Variants in CNTN3 observed in about 807,000 individuals in gnomAD.
The protein encoded by CNTN3 is contactin 3.
In CNTN3, 60 loss-of-function variants were observed where a neutral mutation model predicts 119.1. The ratio of observed to expected loss-of-function variants is 0.50; its 90% CI spans 0.41 to 0.62. CNTN3 has a LOEUF of 0.62. Among genes scored for constraint, CNTN3 ranks in the 20% least tolerant of loss-of-function variants. The probability of loss-of-function intolerance (pLI) is 0.00; values close to 1 mark genes in which losing one functional copy is unlikely to be tolerated. For missense variants in CNTN3, 1,101 were observed against 1,242.4 expected, an observed-to-expected ratio of 0.89 and a Z score of 1.71; for synonymous variants, 450 against 438.7, an observed-to-expected ratio of 1.03 and a Z score of -0.32.
intron 5 of CNTN3, among the ~76,000 whole-genome samples, chr3:74,409,828 T>C (rs879628681): frequency 6.6e-6 from 1 of 152,176 alleles, no homozygotes; most frequent in Non-Finnish European, 1.5e-5. Context: ...TTTTCACTCA[T>C]TTTACTTCCC....
chr3:74,495,387 T>C (rs960192783), intron 3 of CNTN3, among the ~76,000 whole-genome samples: 4 of 152,034 alleles, frequency 2.6e-5, no homozygotes, highest in African/African-American at 4.8e-5. Context: ...TATATTATGA[T>C]AGACTAGCAT....
At chr3:74,432,119 T>G (rs1701793591) in intron 4 of CNTN3, among the ~76,000 whole-genome samples, 1 of 152,190 alleles carries the variant, frequency 6.6e-6, no homozygotes, top group Non-Finnish European at 1.5e-5. Context: ...CATCATTACA[T>G]GAACAGTGTA....
intron 1 of CNTN3, among the ~76,000 whole-genome samples, chr3:74,528,184 T>C (rs1467298649): frequency 6.6e-6 from 1 of 151,820 alleles, no homozygotes; most frequent in Admixed American, 6.6e-5. Context: ...AGATTTTCCT[T>C]CCCTTTGATT....
chr3:74,381,991 C>T (rs1287587165), intron 5 of CNTN3, among the ~76,000 whole-genome samples: 1 of 152,076 alleles, frequency 6.6e-6, no homozygotes, highest in Non-Finnish European at 1.5e-5. Context: ...GGTGGATCAC[C>T]TGTGGTCGGG....
chr3:74,552,332 G>A (rs909917995), intron 1 of CNTN3, among the ~76,000 whole-genome samples: 7 of 152,156 alleles, frequency 4.6e-5, no homozygotes, highest in African/African-American at 1.7e-4. Context: ...GCAACTGCTG[G>A]ATCTTTCGGA....
intron 17 of CNTN3, 96 bp from the exon 18 acceptor site, chr3:74,298,287 T>C: frequency 1.4e-6 from 1 of 706,402 alleles, no homozygotes; most frequent in Non-Finnish European, 2.3e-6. Flanking sequence ...GTAAAAGTCA[T>C]CAAATAATCA....
rs1311831022 is a variant in CNTN3, at chr3:74,424,872, G to A, written c.427C>T (p.Leu143Phe). The change falls in exon 5 of 23, where the codon CTC becomes TTC. Residue 143 changes from leucine to phenylalanine, a missense_variant. Leu to Phe is a conservative substitution (Grantham distance 22, BLOSUM62 0). Transcript: ENST00000263665. ...CCAGAGTGTGGTGGGGGGCCGCAGA[G>A]CAGCACAACTCCCTGGCCTTCACGC... Reference protein sequence around the residue: ...SVREGQGVVLLCGPPPHSGEL... With the variant: ...SVREGQGVVLFCGPPPHSGEL... 6.2e-7 allele frequency: 1 copy of A among 1,613,634 alleles called. No individual in the cohort carries two copies. Among genetic ancestry groups the A allele is most frequent in the Admixed American group, 1.7e-5 (1 of 59,996 alleles).
intron 1 of CNTN3, among the ~76,000 whole-genome samples, chr3:74,612,295 A>G (rs1007995596): frequency 6.6e-6 from 1 of 152,222 alleles, no homozygotes; most frequent in African/African-American, 2.4e-5. Context: ...AATTGAACAT[A>G]AATCAGCAAA....
At chr3:74,585,096 T>C (rs1704572793) in intron 1 of CNTN3, among the ~76,000 whole-genome samples, 1 of 152,138 alleles carries the variant, frequency 6.6e-6, no homozygotes, top group Non-Finnish European at 1.5e-5. Flanking sequence ...TAATTCTTTT[T>C]GAAAGAAGGT....
intron 1 of CNTN3, among the ~76,000 whole-genome samples, chr3:74,548,731 C>A (rs988752433): frequency 2.6e-5 from 4 of 152,072 alleles, no homozygotes; most frequent in Non-Finnish European, 5.9e-5. Flanking sequence ...TATTCAATGA[C>A]CTGCTGTATG....
At chr3:74,296,866 G>T (rs1401804397) in intron 18 of CNTN3, among the ~76,000 whole-genome samples, 3 of 146,746 alleles carry the variant, frequency 2.0e-5, no homozygotes, top group African/African-American at 8.1e-5. Context: ...GTTAGTTTCT[G>T]CCATTTTTTT....
chr3:74,423,195 A>C (rs1701644296), intron 5 of CNTN3, among the ~76,000 whole-genome samples: 1 of 152,234 alleles, frequency 6.6e-6, no homozygotes, highest in Admixed American at 6.5e-5. Context: ...ACCCCTAAAT[A>C]GAGTTTGGAA....
At chr3:74,488,477 T>G (rs894417287) in intron 3 of CNTN3, among the ~76,000 whole-genome samples, 4 of 152,170 alleles carry the variant, frequency 2.6e-5, no homozygotes, top group African/African-American at 9.7e-5. Flanking sequence ...TTAGCTTTTT[T>G]GGTTTTAGTT....
chr3:74,366,808 A>ATATATATATATATATATATC (rs1553650589), intron 8 of CNTN3, among the ~76,000 whole-genome samples: 1 of 128,014 alleles, frequency 7.8e-6, no homozygotes, highest in Non-Finnish European at 1.7e-5. Context: ...ATATATATAT[A>ATATATATATATATATATATC]ACTTGCTCAG....
intron 18 of CNTN3, among the ~76,000 whole-genome samples, chr3:74,296,843 A>C (rs1702347316): frequency 6.6e-6 from 1 of 151,858 alleles, no homozygotes; most frequent in Admixed American, 6.6e-5. Context: ...CAAGTAGTAA[A>C]ACTTCAATAC....
At chr3:74,379,403 G>C (rs1273816208) in intron 5 of CNTN3, among the ~76,000 whole-genome samples, 1 of 152,062 alleles carries the variant, frequency 6.6e-6, no homozygotes, top group Non-Finnish European at 1.5e-5. Context: ...TGATCCACCT[G>C]CCTCATTGTC....
At chr3:74,535,802 C>T (rs942260428) in intron 1 of CNTN3, among the ~76,000 whole-genome samples, 4 of 152,016 alleles carry the variant, frequency 2.6e-5, no homozygotes, top group East Asian at 3.9e-4. Flanking sequence ...TAGCAAGCCA[C>T]GTTTTGAAGT....
At chr3:74,280,711 G>C (rs1176610433) in intron 20 of CNTN3, among the ~76,000 whole-genome samples, 1 of 152,186 alleles carries the variant, frequency 6.6e-6, no homozygotes, top group Non-Finnish European at 1.5e-5. Context: ...CACTGGAGTA[G>C]AGCTCTGGGA....
intron 5 of CNTN3, among the ~76,000 whole-genome samples, chr3:74,423,114 C>A (rs922787707): frequency 1.3e-5 from 2 of 152,098 alleles, no homozygotes; most frequent in African/African-American, 4.8e-5. Context: ...TCAAGAAATA[C>A]AGAGAAAAAT....
Sources: allele counts gnomAD v4.1 joint callset (sites outside exome capture counted in the v4.1 genomes callset), GRCh38; gene constraint gnomAD v4.1.1; transcripts MANE v1.5; gene names NCBI Gene and HGNC (gene_info 2026-07-23, HGNC 2026-07-21).